TMPRSS2: variants seen among roughly 807,000 people sequenced by gnomAD.
TMPRSS2 encodes transmembrane serine protease 2, also known as transmembrane protease serine 2.
TMPRSS2 carries 59 observed loss-of-function variants against 67.4 expected under a neutral mutation model. The ratio of observed to expected loss-of-function variants is 0.88; its 90% CI spans 0.71 to 1.09. TMPRSS2 has a LOEUF of 1.09. Ranked by LOEUF, TMPRSS2 falls within the 50% of genes least tolerant of loss-of-function variation. The probability of loss-of-function intolerance (pLI) is 0.00; values close to 1 mark genes in which losing one functional copy is unlikely to be tolerated. For missense variants in TMPRSS2, 668 were observed against 642.7 expected, an observed-to-expected ratio of 1.04 and a Z score of -0.43; for synonymous variants, 257 against 257.0, an observed-to-expected ratio of 1.00 and a Z score of 0.00.
At chr21:41,505,576 A>G (rs1041928827) in intron 1 of TMPRSS2, among the ~76,000 whole-genome samples, 4 of 152,172 alleles carry the variant, frequency 2.6e-5, no homozygotes, top group Admixed American at 2.6e-4. Flanking sequence ...TCAGAGTTCC[A>G]GGCACTCTGG....
chr21:41,464,673 T>G lies in TMPRSS2; in HGVS notation c.*1469A>C, dbSNP rs963450060. ...TGTTCACATAAATAAGAAGGGGCAA[T>G]AAAGAAGGAAGACGTTTTCACCATT... is the stretch of plus-strand genomic sequence containing the variant. On this transcript the variant is annotated 3_prime_UTR_variant, in exon 14 of 14. Coordinates refer to ENST00000332149, the MANE Select transcript of TMPRSS2 (RefSeq NM_005656.4). 3.4e-5 allele frequency: 8 copies of G among 233,074 alleles called. No homozygotes were observed. Among genetic ancestry groups the G allele is most frequent in the Non-Finnish European group, 5.9e-5 (7 of 118,024 alleles). 14.4% of individuals were successfully genotyped at this position (233,074 alleles called of 1,614,324 possible). A position where few individuals can be genotyped will look rare whatever the true frequency, so the allele number is the denominator to read the frequency against.
intron 7 of TMPRSS2, among the ~76,000 whole-genome samples, chr21:41,477,631 C>T (rs1050094900): frequency 3.9e-5 from 6 of 152,150 alleles, no homozygotes; most frequent in Admixed American, 1.3e-4. Flanking sequence ...GCACACCCCC[C>T]GGGTTCTCAG....
intron 11 of TMPRSS2, chr21:41,468,776 A>C (rs941130268): frequency 1.0e-5 from 5 of 488,278 alleles, no homozygotes; most frequent in Non-Finnish European, 1.5e-5. Context: ...AGGGAAAGAA[A>C]TTCCCAGCTC....
At chr21:41,472,201 T>C (rs2091140128) in intron 9 of TMPRSS2, among the ~76,000 whole-genome samples, 1 of 148,798 alleles carries the variant, frequency 6.7e-6, no homozygotes, top group African/African-American at 2.5e-5. Context: ...TCCTTCTTTC[T>C]GGCTCTTGCA....
intron 3 of TMPRSS2, among the ~76,000 whole-genome samples, chr21:41,492,984 C>T (rs931373972): frequency 4.6e-5 from 7 of 152,180 alleles, no homozygotes; most frequent in Non-Finnish European, 8.8e-5. Context: ...CCACACTAAG[C>T]GATATTTTAC....
intron 5 of TMPRSS2, chr21:41,487,627 A>G (rs1181300854): frequency 1.3e-5 from 2 of 152,242 alleles, no homozygotes; most frequent in African/African-American, 2.4e-5. Context: ...GTATCCAAAC[A>G]TCATGTGGTA....
At chr21:41,501,370 A>G (rs1164158607) in intron 1 of TMPRSS2, among the ~76,000 whole-genome samples, 3 of 152,224 alleles carry the variant, frequency 2.0e-5, no homozygotes, top group Non-Finnish European at 4.4e-5. Context: ...GCACTTTGGG[A>G]GGCCAAGGCG....
In TMPRSS2 at chr21:41,498,162, G is replaced by T. The variant is rs2091398518; in HGVS notation, c.-29C>A. 1.2e-6 allele frequency: 2 copies of T among 1,612,754 alleles called. No homozygotes were observed. Among genetic ancestry groups the T allele is most frequent in the Non-Finnish European group, 1.7e-6 (2 of 1,178,970 alleles). On this transcript the variant is annotated 5_prime_UTR_variant, in exon 2 of 14. Transcript: ENST00000332149. ...GCTGTTATCAACAGCATCGAGTAAT[G>T]ATAGGTATCTGGAATGTTCAATATG...
At chr21:41,496,574 T>C (rs1185527208) in intron 2 of TMPRSS2, among the ~76,000 whole-genome samples, 1 of 152,136 alleles carries the variant, frequency 6.6e-6, no homozygotes, top group Non-Finnish European at 1.5e-5. Flanking sequence ...AGCTGGTGCC[T>C]ATCTTCTTAG....
At chr21:41,491,347 A>G (rs1448082488) in intron 3 of TMPRSS2, among the ~76,000 whole-genome samples, 2 of 151,816 alleles carry the variant, frequency 1.3e-5, no homozygotes, top group Non-Finnish European at 2.9e-5. Flanking sequence ...AGGTTTCACC[A>G]TGTTTCCCAG....
chr21:41,466,174 A>G, intron 13 of TMPRSS2, 21 bp from the exon 14 acceptor site: 7 of 1,613,850 alleles, frequency 4.3e-6, no homozygotes, highest in Admixed American at 1.7e-5. Context: ...AGGAAAAAAA[A>G]AAGTGTGTTA....
At chr21:41,504,681 C>A (rs1218492423) in intron 1 of TMPRSS2, among the ~76,000 whole-genome samples, 1 of 152,124 alleles carries the variant, frequency 6.6e-6, no homozygotes, top group Non-Finnish European at 1.5e-5. Flanking sequence ...TCCACAGGCT[C>A]GGTGGGGCCA....
chr21:41,473,854 G>A (rs1022971790), intron 8 of TMPRSS2, among the ~76,000 whole-genome samples: 13 of 148,622 alleles, frequency 8.7e-5, no homozygotes, highest in African/African-American at 2.8e-4. Flanking sequence ...AGATGGGAGG[G>A]GCAGGGCTGG....
At chr21:41,485,795 T>C (rs1389599237) in intron 5 of TMPRSS2, among the ~76,000 whole-genome samples, 2 of 152,204 alleles carry the variant, frequency 1.3e-5, no homozygotes, top group Non-Finnish European at 2.9e-5. Context: ...AAATGCATCA[T>C]TTTCAAGTGC....
At chr21:41,481,390 T>TGATCCC (rs1282464871) in intron 5 of TMPRSS2, among the ~76,000 whole-genome samples, 2 of 152,190 alleles carry the variant, frequency 1.3e-5, no homozygotes, top group African/African-American at 4.8e-5. Context: ...ACGTATTGCA[T>TGATCCC]GATCCCGCTC....
intron 2 of TMPRSS2, 107 bp from the exon 3 acceptor site, chr21:41,494,685 T>C: frequency 9.6e-7 from 1 of 1,042,126 alleles, no homozygotes; most frequent in East Asian, 2.5e-5. Flanking sequence ...TCTTTTAAAT[T>C]GATAATGTTT....
intron 6 of TMPRSS2, among the ~76,000 whole-genome samples, chr21:41,480,219 T>C (rs1032758518): frequency 1.3e-5 from 2 of 152,282 alleles, no homozygotes; most frequent in African/African-American, 4.8e-5. Flanking sequence ...ACCACAGCAC[T>C]GGGCACTCCC....
At chr21:41,490,709 G>C (rs943472559) in intron 3 of TMPRSS2, among the ~76,000 whole-genome samples, 5 of 152,280 alleles carry the variant, frequency 3.3e-5, no homozygotes, top group African/African-American at 1.2e-4. Context: ...ACAGGTGCCA[G>C]AGAGGCATGG....
intron 5 of TMPRSS2, among the ~76,000 whole-genome samples, chr21:41,483,075 GT>G (rs2091268519): frequency 6.6e-6 from 1 of 152,140 alleles, no homozygotes; most frequent in Non-Finnish European, 1.5e-5. Flanking sequence ...AAGAGAAAGG[GT>G]GAAGTCCAGG....
Sources: allele counts gnomAD v4.1 joint callset (sites outside exome capture counted in the v4.1 genomes callset), GRCh38; gene constraint gnomAD v4.1.1; transcripts MANE v1.5; gene names NCBI Gene and HGNC (gene_info 2026-07-23, HGNC 2026-07-21).